URGCP: variants seen among roughly 807,000 people sequenced by gnomAD.
URGCP encodes upregulator of cell proliferation, also known as up-regulator of cell proliferation.
In URGCP, 13 loss-of-function variants were observed where a neutral mutation model predicts 24.6. That is an observed-to-expected ratio of 0.53 (90% CI 0.34 to 0.84). The LOEUF (loss-of-function observed/expected upper bound fraction) is 0.84, where lower values mean the gene tolerates loss of function less well. Ranked by LOEUF, URGCP falls within the 40% of genes least tolerant of loss-of-function variation. The pLI is 0.01. For missense variants in URGCP, 899 were observed against 1,194.3 expected (o/e 0.75, Z 3.64); for synonymous variants, 444 against 487.2 (o/e 0.91, Z 1.17).
chr7:43,905,688 A>G lies in URGCP; in HGVS notation c.14+874T>C, dbSNP rs146040313. The G allele has an allele frequency of 3.3e-5, 5 of 152,300 alleles. No individual in the cohort carries two copies. The East Asian group carries it at 5.8e-4, about 18-fold the overall frequency. The allele number at this position is 152,300 out of a possible 1,614,324, so 9.4% of individuals were successfully genotyped here. A position where few individuals can be genotyped will look rare whatever the true frequency, so the allele number is the denominator to read the frequency against. ...CACTAGATCCAAGACCCTCTGAATG[A>G]TGGGTAACAGTCAAAGAAGAATTTT... On this transcript the variant is annotated intron_variant, in intron 1 of 5. Transcript: ENST00000453200.
intron 1 of URGCP, among the ~76,000 whole-genome samples, chr7:43,894,443 G>A (rs2095875443): frequency 6.6e-6 from 1 of 151,994 alleles, no homozygotes; most frequent in Non-Finnish European, 1.5e-5. Context: ...CCACCACCAG[G>A]GCTCAAGCAA....
chr7:43,910,005 T>C (rs1302718746), upstream of URGCP, among the ~76,000 whole-genome samples: 1 of 152,194 alleles, frequency 6.6e-6, no homozygotes, highest in Non-Finnish European at 1.5e-5. Flanking sequence ...ATCGTGCCAT[T>C]GCACTCCAGC....
intron 1 of URGCP, among the ~76,000 whole-genome samples, chr7:43,920,993 G>A (rs913590264): frequency 1.3e-5 from 2 of 152,098 alleles, no homozygotes; most frequent in Admixed American, 6.6e-5. Flanking sequence ...GCTGCTGTTT[G>A]TCTGTGCAGT....
chr7:43,881,462 A>C (rs1216330001), intron 5 of URGCP, among the ~76,000 whole-genome samples, 197 bp downstream of exon 5: 1 of 148,494 alleles, frequency 6.7e-6, no homozygotes, highest in Non-Finnish European at 1.5e-5. Flanking sequence ...TGTGGTTAGC[A>C]AGCTTCCCAG....
At chr7:43,892,348 T>C (rs1348191947) in intron 1 of URGCP, among the ~76,000 whole-genome samples, 9 of 150,240 alleles carry the variant, frequency 6.0e-5, no homozygotes. Context: ...CTCAGCCACC[T>C]GACCTCATGA....
At chr7:43,879,925 C>T (rs1211869431) in intron 5 of URGCP, 1 of 151,812 alleles carries the variant, frequency 6.6e-6, no homozygotes, top group Non-Finnish European at 1.5e-5. Context: ...TTTTTCCTCT[C>T]CCCTTTCTTT....
chr7:43,878,339 G>C lies in URGCP; in HGVS notation c.1124C>G (p.Ser375Cys), dbSNP rs199957115. ...GTATTTTGTGGTTGACTCCTTCATG[G>C]AGTACAGCAATTTGTATTCCTTCTT... The part of the protein sequence containing the change: ...ISKKEYKLLY[S>C]MKESTTKYYF... The change falls in exon 6 of 6, where the codon TCC (serine) becomes TGC (cysteine). Residue 375 changes from serine to cysteine, a missense_variant. Transcript: ENST00000453200. This position sits in a 1 kb window ranked among gnomAD's most constrained non-coding sequence, Gnocchi z 5.6. 1.2e-6 allele frequency: 2 copies of C among 1,614,096 alleles called. No homozygotes were observed. Among genetic ancestry groups the C allele is most frequent in the African/African-American group, 2.7e-5 (2 of 74,926 alleles).
intron 1 of URGCP, chr7:43,919,798 T>C: frequency 7.7e-7 from 1 of 1,304,768 alleles, no homozygotes; most frequent in Non-Finnish European, 1.1e-6. Flanking sequence ...TCTCCTTACC[T>C]GCCCTTGGCC....
chr7:43,896,154 GT>G (rs1562581720), intron 1 of URGCP, among the ~76,000 whole-genome samples: 1 of 152,150 alleles, frequency 6.6e-6, no homozygotes, highest in Admixed American at 6.6e-5. Flanking sequence ...TAGAATTGTG[GT>G]TATTAGAGAC....
intron 2 of URGCP, 141 bp downstream of exon 2, chr7:43,887,649 A>G: frequency 1.4e-6 from 2 of 1,480,064 alleles, no homozygotes; most frequent in Non-Finnish European, 1.8e-6. Flanking sequence ...GGTCCTGGGT[A>G]TCACTGCTTT....
chr7:43,926,584 T>C (rs745423741), upstream of URGCP: 14 of 1,558,716 alleles, frequency 9.0e-6, no homozygotes, highest in Non-Finnish European at 1.1e-5. Context: ...CTCCAACTCT[T>C]TGGGTGTCCG....
intron 1 of URGCP, among the ~76,000 whole-genome samples, chr7:43,904,379 A>G (rs978411111): frequency 5.9e-5 from 9 of 152,116 alleles, no homozygotes; most frequent in African/African-American, 1.9e-4. Context: ...ACTCATGGAG[A>G]TTGTCACTTA....
chr7:43,898,143 C>G (rs1334565576), intron 1 of URGCP, among the ~76,000 whole-genome samples: 1 of 152,166 alleles, frequency 6.6e-6, no homozygotes, highest in African/African-American at 2.4e-5. Flanking sequence ...ACAACCTCCA[C>G]CTGACACCAC....
At chr7:43,921,132 T>C (rs1169397370) in intron 1 of URGCP, among the ~76,000 whole-genome samples, 2 of 152,114 alleles carry the variant, frequency 1.3e-5, no homozygotes, top group Non-Finnish European at 2.9e-5. Flanking sequence ...CGAGACCATC[T>C]GGCTAACACG....
rs1017137898 is a variant in URGCP, at chr7:43,903,161, GA to G, written c.14+3400del. On this transcript the variant is annotated intron_variant, in intron 1 of 5. Transcript: ENST00000453200. ...AGAGAGAGAGAGAAAGAGAAAGAGA[GA>G]AAAAAAATGTAGGTAAATCAAAAAC... 1.4e-3 allele frequency among the ~76,000 whole-genome samples: 213 copies of G among 150,432 alleles called. 1 individual carries two copies. Among genetic ancestry groups the G allele is most frequent in the African/African-American group, 5.1e-3 (207 of 40,948 alleles).
chr7:43,913,802 G>GT (rs1215788590), intron 1 of URGCP, among the ~76,000 whole-genome samples: 19 of 151,600 alleles, frequency 1.3e-4, no homozygotes, highest in Middle Eastern at 3.4e-3. Context: ...TAGTTCAAGT[G>GT]ATTCTCCTGC....
chr7:43,902,066 G>A (rs1484578775), intron 1 of URGCP, among the ~76,000 whole-genome samples: 1 of 151,270 alleles, frequency 6.6e-6, no homozygotes, highest in African/African-American at 2.4e-5. Context: ...GAGCAGGCGA[G>A]AGGAAAGAAA....
Position 43,876,587 on chromosome 7 carries a change from G to T in URGCP, c.*80C>A. 1 of 1,475,848 alleles carries T rather than the reference G, an allele frequency of 6.8e-7. No individual in the cohort carries two copies. Among genetic ancestry groups the T allele is most frequent in the Non-Finnish European group, 9.2e-7 (1 of 1,087,122 alleles). 91.4% of individuals were successfully genotyped at this position (1,475,848 alleles called of 1,614,324 possible). ...GCACCAGCCATTCTCAGGCACCAGA[G>T]CACAGCCCCACACGGGTGCCCCATC... On this transcript the variant is annotated 3_prime_UTR_variant, in exon 6 of 6. Transcript: ENST00000453200.
At chr7:43,890,419 T>C (rs1334182664) in intron 1 of URGCP, among the ~76,000 whole-genome samples, 3 of 151,284 alleles carry the variant, frequency 2.0e-5, no homozygotes, top group Admixed American at 1.3e-4. Flanking sequence ...GGTTTCACCA[T>C]GTTAGCCAGG....
Sources: allele counts gnomAD v4.1 joint callset (sites outside exome capture counted in the v4.1 genomes callset), GRCh38; gene constraint gnomAD v4.1.1; non-coding constraint Gnocchi (gnomAD v3.1); transcripts MANE v1.5; gene names NCBI Gene and HGNC (gene_info 2026-07-23, HGNC 2026-07-21).